EYS: variants seen among roughly 807,000 people sequenced by gnomAD.
The protein encoded by EYS is protein eyes shut homolog.
Under a neutral mutation model 282.1 loss-of-function variants are expected in EYS, and 250 were observed. The observed-to-expected ratio is 0.89, with a 90% CI of 0.80 to 0.98. The LOEUF (loss-of-function observed/expected upper bound fraction) is 0.98, where lower values mean the gene tolerates loss of function less well. Among genes scored for constraint, EYS ranks in the 50% least tolerant of loss-of-function variants. EYS has a pLI of 0.00. For missense variants in EYS, 4,016 were observed against 3,709.0 expected (o/e 1.08, Z -2.15); for synonymous variants, 1,355 against 1,282.9 (o/e 1.06, Z -1.20).
At chr6:63,970,960 A>G (rs918357902) in intron 35 of EYS, among the ~76,000 whole-genome samples, 1 of 152,244 alleles carries the variant, frequency 6.6e-6, no homozygotes, top group South Asian at 2.1e-4. Context: ...AGATGCCAAC[A>G]GTAATTTAAA....
At chr6:65,326,850 A>G (rs1369191358) in intron 11 of EYS, among the ~76,000 whole-genome samples, 1 of 151,574 alleles carries the variant, frequency 6.6e-6, no homozygotes, top group Non-Finnish European at 1.5e-5. Context: ...TCTAAACGAC[A>G]TTTATTTCTT....
intron 12 of EYS, among the ~76,000 whole-genome samples, chr6:65,209,964 TAGG>T (rs1766133815): frequency 1.3e-5 from 2 of 151,986 alleles, no homozygotes; most frequent in East Asian, 3.9e-4. Flanking sequence ...GAGGAACAGT[TAGG>T]AGAAGAGAAA....
intron 14 of EYS, among the ~76,000 whole-genome samples, chr6:64,950,011 G>T (rs1311219407): frequency 6.6e-5 from 10 of 151,812 alleles, no homozygotes; most frequent in African/African-American, 2.4e-4. Context: ...TACCACGATT[G>T]GCTCAAACCT....
intron 31 of EYS, among the ~76,000 whole-genome samples, chr6:64,199,925 C>T (rs934634945): frequency 2.6e-5 from 4 of 152,026 alleles, no homozygotes; most frequent in African/African-American, 7.2e-5. Flanking sequence ...TCAAAGCAAC[C>T]GAAGTGTCCC....
chr6:65,085,127 G>A (rs1174806687), intron 12 of EYS, among the ~76,000 whole-genome samples: 1 of 152,126 alleles, frequency 6.6e-6, no homozygotes, highest in Admixed American at 6.6e-5. Context: ...AGTGATGAGT[G>A]AAGCCAGAAG....
At chr6:64,022,315 T>C (rs574362333) in intron 33 of EYS, among the ~76,000 whole-genome samples, 1 of 152,332 alleles carries the variant, frequency 6.6e-6, no homozygotes, top group African/African-American at 2.4e-5. Flanking sequence ...CAATATAATA[T>C]TTTCTGTCTA....
At chr6:65,571,827 T>C (rs1445545301) in intron 2 of EYS, among the ~76,000 whole-genome samples, 1 of 152,012 alleles carries the variant, frequency 6.6e-6, no homozygotes, top group Non-Finnish European at 1.5e-5. Flanking sequence ...AATGAAAATA[T>C]ATGTTTATGG....
chr6:64,544,129 A>AC (rs2149800774), intron 26 of EYS, among the ~76,000 whole-genome samples: 1 of 152,310 alleles, frequency 6.6e-6, no homozygotes, highest in South Asian at 2.1e-4. Context: ...ACCAGTCCCT[A>AC]TAACTCTTGC....
intron 31 of EYS, among the ~76,000 whole-genome samples, chr6:64,132,755 T>G (rs1774025241): frequency 6.6e-6 from 1 of 151,784 alleles, no homozygotes; most frequent in Admixed American, 6.6e-5. Flanking sequence ...TTTAAAAATT[T>G]TTATACTTTG....
At chr6:64,598,732 G>A (rs989080169) in intron 24 of EYS, among the ~76,000 whole-genome samples, 4 of 152,100 alleles carry the variant, frequency 2.6e-5, no homozygotes, top group Admixed American at 6.6e-5. Context: ...AAATGAGCTG[G>A]TCAACAAGAT....
At chr6:63,756,287 T>G (rs1315485509) in intron 41 of EYS, among the ~76,000 whole-genome samples, 1 of 152,198 alleles carries the variant, frequency 6.6e-6, no homozygotes, top group Non-Finnish European at 1.5e-5. Context: ...CTCTTATTAT[T>G]TTGAGATATG....
chr6:64,558,276 A>G (rs528122744), intron 26 of EYS, among the ~76,000 whole-genome samples: 1 of 152,226 alleles, frequency 6.6e-6, no homozygotes, highest in African/African-American at 2.4e-5. Flanking sequence ...ATACTCTTAT[A>G]CTTTTGCTGT....
chr6:63,986,377 A>C (rs1443485608), intron 34 of EYS, among the ~76,000 whole-genome samples: 1 of 151,894 alleles, frequency 6.6e-6, no homozygotes, highest in Non-Finnish European at 1.5e-5. Flanking sequence ...TTCCTCAAAG[A>C]GCTAAAAGCA....
At chr6:64,344,160 C>G (rs994306878) in intron 29 of EYS, among the ~76,000 whole-genome samples, 2 of 152,112 alleles carry the variant, frequency 1.3e-5, no homozygotes, top group South Asian at 4.1e-4. Context: ...CCTTCTGAAA[C>G]TATTCCAATC....
At chr6:63,906,613 G>T (rs1466108871) in intron 35 of EYS, among the ~76,000 whole-genome samples, 3 of 152,072 alleles carry the variant, frequency 2.0e-5, no homozygotes, top group African/African-American at 7.2e-5. Flanking sequence ...CTTTTGAAAA[G>T]CTTTTAGTTC....
intron 10 of EYS, 138 bp downstream of exon 10, chr6:65,343,900 G>A (rs1055166100): frequency 5.7e-5 from 41 of 718,558 alleles, no homozygotes; most frequent in African/African-American, 9.1e-5. Context: ...ATTTGTTTAC[G>A]AAGTTATATT....
At chr6:65,319,856 G>A (rs1010647581) in intron 11 of EYS, among the ~76,000 whole-genome samples, 3 of 152,150 alleles carry the variant, frequency 2.0e-5, no homozygotes, top group African/African-American at 7.2e-5. Flanking sequence ...TTGAAAGAGA[G>A]CTAGAATGCC....
chr6:65,462,461 CTTTAAAAAGTTAAAT>C (rs1393180954), intron 5 of EYS, among the ~76,000 whole-genome samples: 1 of 151,906 alleles, frequency 6.6e-6, no homozygotes, highest in Non-Finnish European at 1.5e-5. Context: ...GGGTATGCTC[CTTTAAAAAGTTAAAT>C]TTAAGTCTTT....
rs114587556 is a variant in EYS at position 65,622,201 on chromosome 6, T to A, written c.-333+17577A>T. Among the ~76,000 whole-genome samples the A allele has an allele frequency of 7.1e-3, 1,080 of 152,264 alleles. 11 individuals are homozygous for A. Among genetic ancestry groups the A allele is most frequent in the African/African-American group, 0.023 (951 of 41,534 alleles). ...CCCAGTTGGTTAATCCATTGTTTTC[T>A]TCACACAGGTTAGACACAGAGGAGA... On this transcript the variant is annotated intron_variant, in intron 2 of 42. Coordinates refer to ENST00000503581, the MANE Select transcript of EYS (RefSeq NM_001142800.2).
Sources: allele counts gnomAD v4.1 joint callset (sites outside exome capture counted in the v4.1 genomes callset), GRCh38; gene constraint gnomAD v4.1.1; transcripts MANE v1.5; gene names NCBI Gene and HGNC (gene_info 2026-07-23, HGNC 2026-07-21).